PKP4: variants seen among roughly 807,000 people sequenced by gnomAD.
The protein encoded by PKP4 is plakophilin 4.
PKP4 carries 90 observed loss-of-function variants against 145.1 expected under a neutral mutation model. The ratio of observed to expected loss-of-function variants is 0.62; its 90% confidence interval spans 0.52 to 0.74. PKP4 has a LOEUF of 0.74. Among genes scored for constraint, PKP4 ranks in the 30% least tolerant of loss-of-function variants. PKP4 has a pLI of 0.00. For synonymous variants in PKP4, 563 were observed against 577.2 expected, an observed-to-expected ratio of 0.98 and a Z score of 0.35; for missense variants, 1,340 against 1,482.7, an observed-to-expected ratio of 0.90 and a Z score of 1.58.
intron 3 of PKP4, among the ~76,000 whole-genome samples, chr2:158,598,133 T>A (rs2049920604): frequency 6.6e-6 from 1 of 152,328 alleles, no homozygotes; most frequent in Admixed American, 6.5e-5. Flanking sequence ...CTGATTTTTT[T>A]AAATAAAGCA....
intron 12 of PKP4, chr2:158,659,972 T>C (rs1367600496): frequency 6.6e-6 from 1 of 151,836 alleles, no homozygotes; most frequent in Non-Finnish European, 1.5e-5. Flanking sequence ...ACAGTGAGAG[T>C]GGCCTAAACC....
At chr2:158,587,098 A>G (rs1244808316) in intron 3 of PKP4, among the ~76,000 whole-genome samples, 1 of 152,218 alleles carries the variant, frequency 6.6e-6, no homozygotes, top group African/African-American at 2.4e-5. Flanking sequence ...TAAATGTTAA[A>G]TGGATAATGC....
In PKP4 at chr2:158,562,290, G is replaced by C. The variant is rs143720211; in HGVS notation, c.133-14981G>C. Reference sequence around the variant, plus strand: ...TGACAGATGAATGGATAAACAAAATGTGGCATATATATTGCGATGGAATAT... The same window carrying C: ...TGACAGATGAATGGATAAACAAAATCTGGCATATATATTGCGATGGAATAT... On this transcript the variant is annotated intron_variant, in intron 2 of 21. Transcript: ENST00000389759. 8.8e-4 allele frequency among the ~76,000 whole-genome samples: 134 copies of C among 152,284 alleles called. 1 individual carries two copies. The highest frequency in any genetic ancestry group is 3.1e-3 in the African/African-American group (130 of 41,552).
chr2:158,650,484 C>T (rs553281289), intron 11 of PKP4, among the ~76,000 whole-genome samples: 1 of 152,306 alleles, frequency 6.6e-6, no homozygotes, highest in South Asian at 2.1e-4. Flanking sequence ...CCTGCAAAAT[C>T]GCAGAGACTC....
At chr2:158,491,206 A>C (rs768019197) in intron 1 of PKP4, among the ~76,000 whole-genome samples, 2 of 151,946 alleles carry the variant, frequency 1.3e-5, no homozygotes, top group Non-Finnish European at 2.9e-5. Context: ...TCACCTCCTC[A>C]CCATCGTAAA....
At chr2:158,500,639 G>A (rs1178891769) in intron 1 of PKP4, among the ~76,000 whole-genome samples, 8 of 152,154 alleles carry the variant, frequency 5.3e-5, no homozygotes, top group Non-Finnish European at 8.8e-5. Context: ...GCCACAGAGC[G>A]CACAACAGCA....
At chr2:158,581,583 T>C (rs779133085) in intron 3 of PKP4, among the ~76,000 whole-genome samples, 13 of 152,244 alleles carry the variant, frequency 8.5e-5, no homozygotes, top group Non-Finnish European at 1.8e-4. Flanking sequence ...ATGACGCTTA[T>C]GCTGTGATAA....
At chr2:158,516,201 C>G (rs1265803682) in intron 1 of PKP4, among the ~76,000 whole-genome samples, 1 of 152,106 alleles carries the variant, frequency 6.6e-6, no homozygotes, top group Admixed American at 6.5e-5. Flanking sequence ...ATACAAAACA[C>G]TGGGGATCTG....
chr2:158,645,172 A>G (rs1053331436), intron 11 of PKP4, among the ~76,000 whole-genome samples: 16 of 152,226 alleles, frequency 1.1e-4, no homozygotes, highest in Non-Finnish European at 2.2e-4. Flanking sequence ...ATCTGCCTTA[A>G]TGTATTTTGA....
chr2:158,533,008 T>G (rs1355014153), intron 1 of PKP4, among the ~76,000 whole-genome samples, 172 bp from the exon 2 acceptor site: 1 of 152,232 alleles, frequency 6.6e-6, no homozygotes, highest in Non-Finnish European at 1.5e-5. Context: ...CTTGATAAGT[T>G]AGTCATATTT....
rs2055823042 is a variant in PKP4 at position 158,655,497 on chromosome 2, A to C, written c.1910-2634A>C. ...ATGCTGAAAAACTACTCTTCTTCTTAGTCATGTTTTCACCTGAAGTTTGTG... is the reference window on the plus strand; with the variant it reads ...ATGCTGAAAAACTACTCTTCTTCTTCGTCATGTTTTCACCTGAAGTTTGTG... On this transcript the variant is annotated intron_variant, in intron 11 of 21. Coordinates refer to ENST00000389759, the MANE Select transcript of PKP4 (RefSeq NM_003628.6). Among the ~76,000 whole-genome samples, 2 of 152,214 alleles carry C rather than the reference A, an allele frequency of 1.3e-5. 1 individual carries two copies. The highest frequency in any genetic ancestry group is 4.8e-5 in the African/African-American group (2 of 41,468).
chr2:158,521,956 AC>A lies in PKP4; in HGVS notation c.-5-11222del, dbSNP rs199696577. Among the ~76,000 whole-genome samples, 1,352 of 152,124 alleles carry A rather than the reference AC, an allele frequency of 8.9e-3. 20 individuals are homozygous for A. Among genetic ancestry groups the A allele is most frequent in the African/African-American group, 0.03 (1,242 of 41,504 alleles). On this transcript the variant is annotated intron_variant, in intron 1 of 21. Coordinates refer to ENST00000389759, the MANE Select transcript of PKP4 (RefSeq NM_003628.6). ...AATTTAAATATTCACGCTTTCTTTA[AC>A]CTTTATTTTTTATTAATTTGTTCTT... is the stretch of plus-strand genomic sequence containing the variant.
At position 158,505,931 on chromosome 2, in the gene PKP4, C is replaced by T. The variant is rs140549411; in HGVS notation, c.-5-27249C>T. 4.6e-4 allele frequency among the ~76,000 whole-genome samples: 70 copies of T among 152,120 alleles called. 1 individual carries two copies. The East Asian group carries it at 9.9e-3, about 21-fold the overall frequency. ...AAGAAGACCATAAGTACACAGGAGG[C>T]GCATCCCTCAACTGTGAGCTTCAAC... On this transcript the variant is annotated intron_variant, in intron 1 of 21. Coordinates refer to ENST00000389759, the MANE Select transcript of PKP4 (RefSeq NM_003628.6).
At position 158,499,751 on chromosome 2, in the gene PKP4, G is replaced by GA. The variant is rs201015452; in HGVS notation, c.-5-33420dup. ...GTTAGAAATGAGGTCAATTATTCCT[G>GA]AAAAAAAAATTGGTAATACTTGGAC... On this transcript the variant is annotated intron_variant, in intron 1 of 21. Coordinates refer to ENST00000389759, the MANE Select transcript of PKP4 (RefSeq NM_003628.6). 2.0e-3 allele frequency among the ~76,000 whole-genome samples: 305 copies of GA among 151,096 alleles called. 4 individuals carry two copies. The highest frequency in any genetic ancestry group is 0.017 in the Admixed American group (262 of 15,182).
intron 2 of PKP4, among the ~76,000 whole-genome samples, chr2:158,565,435 C>CTTTTT (rs10690465): frequency 8.8e-5 from 12 of 135,750 alleles, no homozygotes; most frequent in African/African-American, 1.9e-4. Context: ...TTCTTTTTTC[C>CTTTTT]TTTTTTTTTT....
At position 158,506,477 on chromosome 2, in the gene PKP4, A is replaced by G. The variant is rs145688258; in HGVS notation, c.-5-26703A>G. On this transcript the variant is annotated intron_variant, in intron 1 of 21. Coordinates refer to ENST00000389759, the MANE Select transcript of PKP4 (RefSeq NM_003628.6). ...GCTGTTTTCATTAGTCCTTAAGTAT[A>G]TGTTGCTACCATATAATTTGGCCAC... Among the ~76,000 whole-genome samples the G allele has an allele frequency of 8.9e-3, 1,348 of 152,306 alleles. 19 individuals carry two copies. Among genetic ancestry groups the G allele is most frequent in the African/African-American group, 0.03 (1,238 of 41,562 alleles).
At chr2:158,470,820 T>G (rs1691450653) in intron 1 of PKP4, among the ~76,000 whole-genome samples, 2 of 152,280 alleles carry the variant, frequency 1.3e-5, no homozygotes, top group Non-Finnish European at 2.9e-5. Flanking sequence ...GGACCTCCCC[T>G]GATGCTAATT....
intron 2 of PKP4, among the ~76,000 whole-genome samples, chr2:158,535,717 G>A (rs765008731): frequency 3.3e-5 from 5 of 152,108 alleles, no homozygotes; most frequent in Non-Finnish European, 5.9e-5. Flanking sequence ...CAGTGTACCT[G>A]GCCCATAATT....
At chr2:158,630,989 G>A (rs984413643) in intron 7 of PKP4, among the ~76,000 whole-genome samples, 6 of 151,866 alleles carry the variant, frequency 4.0e-5, no homozygotes, top group African/African-American at 1.4e-4. Flanking sequence ...CCAGGTTGGA[G>A]TGCAGTGGCG....
Sources: allele counts gnomAD v4.1 joint callset (sites outside exome capture counted in the v4.1 genomes callset), GRCh38; gene constraint gnomAD v4.1.1; transcripts MANE v1.5; gene names NCBI Gene and HGNC (gene_info 2026-07-23, HGNC 2026-07-21).